ARAP1: variants seen among roughly 807,000 people sequenced by gnomAD.
The protein encoded by ARAP1 is arf-GAP with Rho-GAP domain, ANK repeat and PH domain-containing protein 1.
Under a neutral mutation model 172.2 loss-of-function variants are expected in ARAP1, and 76 were observed. That is an observed-to-expected ratio of 0.44 (90% CI 0.37 to 0.53). ARAP1 has a LOEUF of 0.53. Among genes scored for constraint, ARAP1 ranks in the 20% least tolerant of loss-of-function variants. The probability of loss-of-function intolerance (pLI) is 0.00; values close to 1 mark genes in which losing one functional copy is unlikely to be tolerated. For synonymous variants in ARAP1, 804 were observed against 803.3 expected (o/e 1.00, Z -0.01); for missense variants, 1,686 against 1,977.5 (o/e 0.85, Z 2.80).
In ARAP1 at chr11:72,703,077, G is replaced by T; in HGVS notation, c.1995C>A (p.Ala665=). ...CTGTGGTGGTGACTGCAGCACACAGGGCCTAGGAAGAGGCAGGGGAGGGTC... is the reference window on the plus strand; with the variant it reads ...CTGTGGTGGTGACTGCAGCACACAGTGCCTAGGAAGAGGCAGGGGAGGGTC... ...LFGNQEELDK[A]LCAAVTTTDL... The change falls in exon 15 of 35, where the codon GCC becomes GCA. Residue 665 remains alanine (A), a splice_region_variant and synonymous_variant. Transcript: ENST00000393609. 1 of 1,562,124 alleles carries T rather than the reference G, an allele frequency of 6.4e-7. No homozygotes were observed. The highest frequency in any genetic ancestry group is 1.4e-5 in the African/African-American group (1 of 72,864).
rs149248685 is a variant in ARAP1, at chr11:72,710,518, G to A, written c.1283C>T (p.Ser428Phe). 9.6e-4 allele frequency: 1,548 copies of A among 1,613,888 alleles called. 3 individuals carry two copies. Among genetic ancestry groups the A allele is most frequent in the Non-Finnish European group, 9.9e-4 (1,174 of 1,179,986 alleles). ...MAEQRARARL[S>F]SAYLLGVPGS... Reference sequence around the variant, plus strand: ...TGGAACTCCCAGCAGATAAGCGCTAGAGAGCCGGGCCCGGGCACGCTGCTC... The same window carrying A: ...TGGAACTCCCAGCAGATAAGCGCTAAAGAGCCGGGCCCGGGCACGCTGCTC... The change falls in exon 10 of 35, where the codon TCT becomes TTT. Residue 428 changes from serine (S) to phenylalanine (F), a missense_variant. Around this residue, in one of 5 missense-constraint regions of ARAP1, gnomAD observed 688 missense variants for 856.9 expected, o/e 0.80. Transcript: ENST00000393609. This position sits in a 1 kb window ranked among gnomAD's most constrained non-coding sequence, Gnocchi z 4.3.
At chr11:72,688,385 G>A (rs1474611526) in intron 31 of ARAP1, 70 bp downstream of exon 31, 35 of 1,423,832 alleles carry the variant, frequency 2.5e-5, no homozygotes, top group Non-Finnish European at 3.0e-5. Context: ...AACCCCAGCT[G>A]TGCCTCCCCC....
intron 31 of ARAP1, among the ~76,000 whole-genome samples, chr11:72,688,095 C>T (rs1855769709): frequency 6.6e-6 from 1 of 152,040 alleles, no homozygotes; most frequent in African/African-American, 2.4e-5. Context: ...AACTTCGGGA[C>T]TCAAGCGATC....
intron 1 of ARAP1, among the ~76,000 whole-genome samples, chr11:72,733,724 A>G (rs1044313819): frequency 2.0e-5 from 3 of 152,256 alleles, no homozygotes; most frequent in Non-Finnish European, 4.4e-5. Context: ...AACATTTTAC[A>G]TCTTACAAAC....
At position 72,693,279 on chromosome 11, in the gene ARAP1, G is replaced by C. The variant is rs763060944; in HGVS notation, c.3954+46C>G. 13 of 1,601,694 alleles carry C rather than the reference G, an allele frequency of 8.1e-6. No homozygotes were observed. Among genetic ancestry groups the C allele is most frequent in the Non-Finnish European group, 1.0e-5 (12 of 1,172,600 alleles). ...AAGGGGAATCTCTGAGCACATTCAG[G>C]TGTACAGGTGCCCACCCTGGGGCAG... is the stretch of plus-strand genomic sequence containing the variant. On this transcript the variant is annotated intron_variant, in intron 29 of 34. Transcript: ENST00000393609. The surrounding 1 kb of genome is among the most constrained non-coding windows in gnomAD (Gnocchi z 4.6).
At position 72,725,323 on chromosome 11, in the gene ARAP1, TC is replaced by T. The variant is rs1360766868; in HGVS notation, c.509+1296del. 5.3e-5 allele frequency among the ~76,000 whole-genome samples: 8 copies of T among 151,588 alleles called. No individual in the cohort carries two copies. The highest frequency in any genetic ancestry group is 1.7e-4 in the African/African-American group (7 of 41,204). ...CTCTCTCTCTCTCTCTCTCTCTTTT[TC>T]TCTCTCTCTCTCCCCCCCACAAGCT... is the stretch of plus-strand genomic sequence containing the variant. On this transcript the variant is annotated intron_variant, in intron 3 of 34. Coordinates refer to ENST00000393609, the MANE Select transcript of ARAP1 (RefSeq NM_001040118.3). The surrounding 1 kb of genome is among the most constrained non-coding windows in gnomAD (Gnocchi z 4.3).
intron 3 of ARAP1, among the ~76,000 whole-genome samples, chr11:72,720,856 C>A (rs1175072742): frequency 6.6e-6 from 1 of 152,174 alleles, no homozygotes; most frequent in Non-Finnish European, 1.5e-5. Context: ...CTCCTCTAAG[C>A]CCACACAACC....
chr11:72,735,968 A>G (rs1858010635), intron 1 of ARAP1, among the ~76,000 whole-genome samples: 1 of 152,206 alleles, frequency 6.6e-6, no homozygotes, highest in African/African-American at 2.4e-5. Flanking sequence ...GGGGCCCTCA[A>G]CCAGGCTGAG....
intron 16 of ARAP1, among the ~76,000 whole-genome samples, 183 bp downstream of exon 16, chr11:72,701,466 T>C (rs1282223059): frequency 6.6e-6 from 1 of 152,168 alleles, no homozygotes; most frequent in African/African-American, 2.4e-5. Context: ...TGCAGTGTCA[T>C]GCACTACCCC....
At chr11:72,705,460 A>G (rs1317927308) in intron 13 of ARAP1, 1 of 240,400 alleles carries the variant, frequency 4.2e-6, no homozygotes, top group South Asian at 7.4e-5. Flanking sequence ...AATGGATGAC[A>G]GTGAAATTAG....
chr11:72,709,361 G>A lies in ARAP1; in HGVS notation c.1523+509C>T, dbSNP rs532225848. On this transcript the variant is annotated intron_variant, in intron 11 of 34. Transcript: ENST00000393609. ...CTAGTCAGTGGTGGACCCAGGATTC[G>A]AACCCAGGCATAGTTCAGTACCTCA... is the stretch of plus-strand genomic sequence containing the variant. 7.9e-5 allele frequency among the ~76,000 whole-genome samples: 12 copies of A among 152,342 alleles called. No individual in the cohort carries two copies. In the East Asian group the frequency reaches 1.3e-3, roughly 17 times the overall value.
In ARAP1 at chr11:72,703,033, G is replaced by A. The variant is rs750176877; in HGVS notation, c.2039C>T (p.Ala680Val). The A allele has an allele frequency of 2.1e-5, 34 of 1,597,204 alleles. No individual in the cohort carries two copies. The highest frequency in any genetic ancestry group is 1.7e-4 in the Middle Eastern group (1 of 5,986). ...VTTTDLAETQALLGCGAGINC... is the reference protein window; with the variant it reads ...VTTTDLAETQVLLGCGAGINC... Reference sequence around the variant, plus strand: ...GATCCCAGCCCCACAGCCCAGGAGCGCCTGGGTCTCAGCCAGGTCTGTGGT... The same window carrying A: ...GATCCCAGCCCCACAGCCCAGGAGCACCTGGGTCTCAGCCAGGTCTGTGGT... Residue 680 changes from alanine (A) to valine (V), a missense_variant, in exon 15 of 35, where the codon GCG becomes GTG. This residue lies in a region of ARAP1 where 688 missense variants were observed against 856.9 expected (regional missense o/e 0.80). Coordinates refer to ENST00000393609, the MANE Select transcript of ARAP1 (RefSeq NM_001040118.3).
At position 72,724,850 on chromosome 11, in the gene ARAP1, A is replaced by T. The variant is rs1857637519; in HGVS notation, c.509+1770T>A. Among the ~76,000 whole-genome samples, 4 of 152,178 alleles carry T rather than the reference A, an allele frequency of 2.6e-5. No homozygotes were observed. In the South Asian group the frequency reaches 8.3e-4, roughly 32 times the overall value. ...ACAGATTTTGGGTACTCAAACTACA[A>T]GGGGCTAGACCTTTTCCCGACCATG... On this transcript the variant is annotated intron_variant, in intron 3 of 34. Coordinates refer to ENST00000393609, the MANE Select transcript of ARAP1 (RefSeq NM_001040118.3).
At chr11:72,690,751 C>T (rs532300812) in intron 30 of ARAP1, among the ~76,000 whole-genome samples, 1 of 152,198 alleles carries the variant, frequency 6.6e-6, no homozygotes, top group Non-Finnish European at 1.5e-5. Flanking sequence ...CAGACAATGA[C>T]GTTTACTCTT....
At chr11:72,715,884 T>C (rs1325039423) in intron 3 of ARAP1, among the ~76,000 whole-genome samples, 1 of 152,084 alleles carries the variant, frequency 6.6e-6, no homozygotes, top group Non-Finnish European at 1.5e-5. Context: ...AAGACCTTCA[T>C]ACAAATGGCT....
Position 72,715,546 on chromosome 11 carries a change from G to A in ARAP1, c.510-1225C>T, listed in dbSNP as rs1251866882. Reference sequence around the variant, plus strand: ...ACCCTTCTCCCTGTTCTCTGCCTGGGAATATCCACTAGTTTTTTAACTTCT... The same window carrying A: ...ACCCTTCTCCCTGTTCTCTGCCTGGAAATATCCACTAGTTTTTTAACTTCT... On this transcript the variant is annotated intron_variant, in intron 3 of 34. Transcript: ENST00000393609. Among the ~76,000 whole-genome samples the A allele has an allele frequency of 3.3e-5, 5 of 151,066 alleles. No individual in the cohort carries two copies. In the East Asian group the frequency reaches 7.8e-4, roughly 24 times the overall value.
In ARAP1 at chr11:72,714,326, G is replaced by C. The variant is rs1427570135; in HGVS notation, c.510-5C>G. On this transcript the variant is annotated splice_region_variant and splice_polypyrimidine_tract_variant and intron_variant, in intron 3 of 34. Coordinates refer to ENST00000393609, the MANE Select transcript of ARAP1 (RefSeq NM_001040118.3). The stretch of plus-strand genomic sequence containing the variant: ...TCCTCCTCCTTAGTGGGCAGGCTGG[G>C]AACACAACAAAAGTTGGGCATCACT... The C allele has an allele frequency of 1.9e-6, 3 of 1,547,072 alleles. No homozygotes were observed. Among genetic ancestry groups the C allele is most frequent in the Non-Finnish European group, 1.7e-6 (2 of 1,145,116 alleles).
At chr11:72,716,468 C>G (rs762559988) in intron 3 of ARAP1, among the ~76,000 whole-genome samples, 2 of 152,284 alleles carry the variant, frequency 1.3e-5, no homozygotes, top group African/African-American at 2.4e-5. Context: ...CAGGCAACCA[C>G]TGCCTTTGGC....
chr11:72,731,341 T>A (rs1446095038), intron 2 of ARAP1, among the ~76,000 whole-genome samples: 1 of 152,198 alleles, frequency 6.6e-6, no homozygotes, highest in Admixed American at 6.5e-5. Context: ...CGGGGACAGA[T>A]CCCTCATGAA....
Sources: allele counts gnomAD v4.1 joint callset (sites outside exome capture counted in the v4.1 genomes callset), GRCh38; gene constraint gnomAD v4.1.1; regional missense constraint gnomAD v4.1.1; non-coding constraint Gnocchi (gnomAD v3.1); transcripts MANE v1.5; gene names NCBI Gene and HGNC (gene_info 2026-07-23, HGNC 2026-07-21).